The following PGM1 variants were observed in gnomAD, a reference collection of about 807,000 sequenced individuals.
PGM1 encodes the protein phosphoglucomutase 1, also known as phosphoglucomutase-1.
A neutral mutation model predicts 55.6 loss-of-function variants in PGM1; 52 were observed. The ratio of observed to expected loss-of-function variants is 0.94; its 90% confidence interval spans 0.75 to 1.18. The LOEUF (loss-of-function observed/expected upper bound fraction) is 1.18. PGM1 is among the 50% of genes most tolerant of loss of function. The probability of loss-of-function intolerance (pLI) is 0.00; values close to 1 mark genes in which losing one functional copy is unlikely to be tolerated. For missense variants in PGM1, 724 were observed against 729.3 expected (o/e 0.99, Z 0.08); for synonymous variants, 287 against 271.7 (o/e 1.06, Z -0.55).
At chr1:63,612,174 T>G (rs1648585045) in intron 1 of PGM1, among the ~76,000 whole-genome samples, 1 of 152,012 alleles carries the variant, frequency 6.6e-6, no homozygotes, top group African/African-American at 2.4e-5. Context: ...GGAGAATCGT[T>G]TGAACCTGGG....
At chr1:63,603,342 A>G (rs1355692618) in intron 1 of PGM1, among the ~76,000 whole-genome samples, 1 of 152,176 alleles carries the variant, frequency 6.6e-6, no homozygotes, top group Non-Finnish European at 1.5e-5. Context: ...GGATAATGCT[A>G]ATCTGGGCAG....
At chr1:63,658,041 A>G (rs1430255253) in intron 10 of PGM1, among the ~76,000 whole-genome samples, 2 of 152,200 alleles carry the variant, frequency 1.3e-5, no homozygotes, top group Non-Finnish European at 2.9e-5. Flanking sequence ...GGTTCCCACA[A>G]TGCCCAGGTG....
At chr1:63,636,782 A>G (rs549851770) in intron 6 of PGM1, among the ~76,000 whole-genome samples, 1 of 152,206 alleles carries the variant, frequency 6.6e-6, no homozygotes, top group Non-Finnish European at 1.5e-5. Context: ...TTTAAAGTTA[A>G]TGAATAGTTG....
chr1:63,652,543 C>G (rs1158730077), intron 9 of PGM1, among the ~76,000 whole-genome samples: 1 of 147,520 alleles, frequency 6.8e-6, no homozygotes, highest in Non-Finnish European at 1.5e-5. Flanking sequence ...ACTTACGCAC[C>G]AGGGTTCTCT....
intron 1 of PGM1, among the ~76,000 whole-genome samples, chr1:63,616,636 A>G (rs956974749): frequency 1.5e-4 from 23 of 152,174 alleles, no homozygotes; most frequent in Non-Finnish European, 1.0e-4. Context: ...TATTGGGTAG[A>G]TGGATGGGTG....
intron 1 of PGM1, among the ~76,000 whole-genome samples, chr1:63,613,763 A>G (rs550099461): frequency 2.4e-4 from 33 of 136,104 alleles, no homozygotes; most frequent in African/African-American, 9.1e-4. Context: ...CATGACATCT[A>G]TACTCTGTCC....
chr1:63,620,682 C>G lies in PGM1; in HGVS notation c.247-8743C>G, dbSNP rs192978788. On this transcript the variant is annotated intron_variant, in intron 1 of 10. Transcript: ENST00000371084. ...TACTGGGAAGGTATCACTGCTGATG[C>G]AAATGGAAGCTGGAGTCTTTGCAAG... 1.2e-3 allele frequency among the ~76,000 whole-genome samples: 180 copies of G among 152,306 alleles called. 3 individuals carry two copies. Among genetic ancestry groups the G allele is most frequent in the Admixed American group, 9.6e-3 (147 of 15,296 alleles).
chr1:63,639,884 C>T (rs113350394), intron 7 of PGM1, among the ~76,000 whole-genome samples: 1,785 of 152,164 alleles, frequency 0.012, 37 homozygotes, highest in African/African-American at 0.04. Context: ...TTGATATTTT[C>T]GAGAGTGGTA....
chr1:63,596,254 C>CTTTTTTTTTTTTTTTTTTTTTTTT (rs531673796), intron 1 of PGM1, among the ~76,000 whole-genome samples: 3 of 111,328 alleles, frequency 2.7e-5, no homozygotes, highest in African/African-American at 7.1e-5. Context: ...TTTTCTTCTT[C>CTTTTTTTTTTTTTTTTTTTTTTTT]TTTTTTTTTT....
Position 63,660,005 on chromosome 1 carries a change from G to A in PGM1, c.*330G>A. 1 of 422,280 alleles carries A rather than the reference G, an allele frequency of 2.4e-6. No individual in the cohort carries two copies. Among genetic ancestry groups the A allele is most frequent in the East Asian group, 4.7e-5 (1 of 21,278 alleles). The allele number at this position is 422,280 out of a possible 1,614,324, so 26.2% of individuals were successfully genotyped here. A position where few individuals can be genotyped will look rare whatever the true frequency, so the allele number is the denominator to read the frequency against. On this transcript the variant is annotated 3_prime_UTR_variant, in exon 11 of 11. Transcript: ENST00000371084. ...AGGTGGAGCATCAGCAGTGAGTGAG[G>A]CCATTCTTCATCCTTAGGATGTGGC... is the stretch of plus-strand genomic sequence containing the variant.
chr1:63,651,081 A>G (rs1444786806), intron 8 of PGM1, among the ~76,000 whole-genome samples: 2 of 152,082 alleles, frequency 1.3e-5, no homozygotes, highest in Non-Finnish European at 2.9e-5. Flanking sequence ...TTAATGAAAA[A>G]AAAAAAGGCA....
Position 63,612,919 on chromosome 1 carries a change from G to A in PGM1, c.247-16506G>A, listed in dbSNP as rs567575229. On this transcript the variant is annotated intron_variant, in intron 1 of 10. Transcript: ENST00000371084. ...ACTCCTGACTCCTGCCTGAAAACTC[G>A]CCTCCTTGCTCAGAAACACTAATTA... Among the ~76,000 whole-genome samples the A allele has an allele frequency of 9.2e-5, 14 of 152,264 alleles. No individual in the cohort carries two copies. The South Asian group carries it at 1.9e-3, about 20-fold the overall frequency.
intron 1 of PGM1, among the ~76,000 whole-genome samples, chr1:63,613,259 CTTTTTTTTTTTTT>C (rs11377805): frequency 9.3e-6 from 1 of 107,868 alleles, no homozygotes; most frequent in Non-Finnish European, 1.7e-5. Context: ...GTTGGCTTAT[CTTTTTTTTTTTTT>C]TTTTTTTTTA....
intron 1 of PGM1, among the ~76,000 whole-genome samples, chr1:63,604,917 CT>C (rs71584410): frequency 0.018 from 2,122 of 118,820 alleles, 23 homozygotes; most frequent in African/African-American, 0.025. Context: ...TTACATAACT[CT>C]GTGTGTGTGT....
chr1:63,639,086 G>A (rs541276787), intron 7 of PGM1, among the ~76,000 whole-genome samples: 101 of 152,232 alleles, frequency 6.6e-4, no homozygotes, highest in Non-Finnish European at 9.4e-4. Flanking sequence ...TAAACAGAGC[G>A]ATAAACAGAT....
intron 1 of PGM1, among the ~76,000 whole-genome samples, chr1:63,594,937 G>A (rs541915257): frequency 3.1e-5 from 4 of 128,272 alleles, no homozygotes; most frequent in South Asian, 2.4e-4. Flanking sequence ...CTCTAGCCTC[G>A]GCGACAGAGC....
At chr1:63,596,606 C>G (rs1648080225) in intron 1 of PGM1, among the ~76,000 whole-genome samples, 1 of 152,090 alleles carries the variant, frequency 6.6e-6, no homozygotes, top group Non-Finnish European at 1.5e-5. Flanking sequence ...TGTTCACTCT[C>G]TCTACTCACT....
intron 1 of PGM1, among the ~76,000 whole-genome samples, chr1:63,609,258 G>T (rs1356719369): frequency 1.3e-5 from 2 of 152,238 alleles, no homozygotes; most frequent in African/African-American, 4.8e-5. Context: ...ATTTCAGGAT[G>T]GATCTGTGGA....
intron 1 of PGM1, among the ~76,000 whole-genome samples, chr1:63,627,061 C>CACA (rs1043912855): frequency 1.6e-4 from 20 of 126,230 alleles, no homozygotes; most frequent in African/African-American, 6.1e-4. Context: ...GGACCCCCCC[C>CACA]CCCCCACACA....
Sources: gnomAD v4.1 joint callset for allele counts (sites outside exome capture counted in the v4.1 genomes callset) on GRCh38, gnomAD v4.1.1 for gene constraint, MANE v1.5 for transcripts, NCBI Gene and HGNC (gene_info 2026-07-23, HGNC 2026-07-21) for gene names.